The following INSC variants were observed in gnomAD, a reference collection of about 807,000 sequenced individuals.
INSC encodes the protein protein inscuteable homolog.
INSC carries 67 observed loss-of-function variants against 58.6 expected under a neutral mutation model. That is an observed-to-expected ratio of 1.14 (90% CI 0.94 to 1.40). INSC has a LOEUF of 1.40. INSC is among the 40% of genes most tolerant of loss of function. The pLI, the probability that INSC is intolerant of heterozygous loss-of-function variation, is 0.00. For synonymous variants in INSC, 262 were observed against 276.1 expected (o/e 0.95, Z 0.51); for missense variants, 714 against 692.0 (o/e 1.03, Z -0.36).
intron 2 of INSC, among the ~76,000 whole-genome samples, chr11:15,158,050 C>G (rs1848878746): frequency 1.3e-5 from 2 of 152,164 alleles, no homozygotes; most frequent in East Asian, 3.9e-4. Context: ...ATATCCTATC[C>G]TGTCCCTCCC....
At chr11:15,147,741 TG>T (rs998427186) in intron 1 of INSC, among the ~76,000 whole-genome samples, 3 of 152,240 alleles carry the variant, frequency 2.0e-5, no homozygotes, top group Non-Finnish European at 4.4e-5. Flanking sequence ...AGCAAGTCTC[TG>T]GAATTATCTA....
intron 2 of INSC, among the ~76,000 whole-genome samples, chr11:15,166,090 A>G (rs1029802876): frequency 1.3e-5 from 2 of 152,218 alleles, no homozygotes; most frequent in Non-Finnish European, 2.9e-5. Context: ...TAAGTTGACC[A>G]GGGATTGCCT....
At chr11:15,125,209 G>A (rs61877967) in intron 1 of INSC, among the ~76,000 whole-genome samples, 2,294 of 152,282 alleles carry the variant, frequency 0.015, 32 homozygotes, top group Non-Finnish European at 0.016. Flanking sequence ...CCAAATAAAG[G>A]AAGAGTAAGT....
chr11:15,239,217 C>G, intron 11 of INSC, 143 bp downstream of exon 11: 2 of 985,146 alleles, frequency 2.0e-6, no homozygotes, highest in Non-Finnish European at 2.9e-6. Flanking sequence ...GGGGTGGAGG[C>G]TCAGGGGTGC....
At chr11:15,205,416 A>C (rs958436906) in intron 7 of INSC, among the ~76,000 whole-genome samples, 32 of 152,224 alleles carry the variant, frequency 2.1e-4, no homozygotes, top group African/African-American at 7.0e-4. Context: ...ATCCTGGGGG[A>C]TTTGCTTAGC....
Position 15,192,895 on chromosome 11 carries a change from GAGA to G in INSC, c.693+2083_693+2085del, listed in dbSNP as rs1850231392. On this transcript the variant is annotated intron_variant, in intron 6 of 12. Transcript: ENST00000379556. ...CAGACTAGATTCATATATATTGGAA[GAGA>G]ATTCACATATATTTGACTCTGTTAT... 3.3e-5 allele frequency among the ~76,000 whole-genome samples: 5 copies of G among 152,306 alleles called. No homozygotes were observed. The South Asian group carries it at 1.0e-3, about 32-fold the overall frequency.
At chr11:15,234,048 G>C (rs981430131) in intron 9 of INSC, among the ~76,000 whole-genome samples, 3 of 152,206 alleles carry the variant, frequency 2.0e-5, no homozygotes, top group Admixed American at 6.5e-5. Context: ...ATACGTAAAA[G>C]AGCCTCTAAG....
At chr11:15,216,349 A>T (rs1384058782) in intron 7 of INSC, among the ~76,000 whole-genome samples, 1 of 152,190 alleles carries the variant, frequency 6.6e-6, no homozygotes, top group Non-Finnish European at 1.5e-5. Flanking sequence ...TGCATCAGAC[A>T]ATTTCTCAAA....
chr11:15,159,377 G>A (rs1714345), intron 2 of INSC, among the ~76,000 whole-genome samples: 93,528 of 152,022 alleles, frequency 0.62, 29,221 homozygotes, highest in African/African-American at 0.69. Flanking sequence ...GGCACATTAC[G>A]TCTGTGAATT....
At chr11:15,124,915 A>C (rs1847955209) in intron 1 of INSC, among the ~76,000 whole-genome samples, 1 of 152,160 alleles carries the variant, frequency 6.6e-6, no homozygotes, top group Non-Finnish European at 1.5e-5. Context: ...CTTAGCACCT[A>C]CCTAGTAGGT....
At chr11:15,184,848 G>T (rs1849908291) in intron 5 of INSC, among the ~76,000 whole-genome samples, 1 of 152,136 alleles carries the variant, frequency 6.6e-6, no homozygotes, top group African/African-American at 2.4e-5. Context: ...GGAGCTTCAA[G>T]CTTTCAACAA....
intron 1 of INSC, among the ~76,000 whole-genome samples, chr11:15,142,678 G>C (rs1378095838): frequency 6.6e-6 from 1 of 152,186 alleles, no homozygotes; most frequent in Non-Finnish European, 1.5e-5. Flanking sequence ...GATGAACACA[G>C]AGCTGGGAGT....
At chr11:15,162,550 A>G (rs2133788657) in intron 2 of INSC, among the ~76,000 whole-genome samples, 1 of 152,310 alleles carries the variant, frequency 6.6e-6, no homozygotes, top group East Asian at 1.9e-4. Context: ...ATCTGCTTTT[A>G]ACATACTGTA....
intron 1 of INSC, among the ~76,000 whole-genome samples, chr11:15,134,360 T>C (rs184987069): frequency 2.0e-5 from 3 of 152,258 alleles, no homozygotes; most frequent in East Asian, 1.9e-4. Flanking sequence ...AAAAAAGATA[T>C]CTTAGAATGA....
At chr11:15,219,948 G>A (rs550715963) in intron 7 of INSC, among the ~76,000 whole-genome samples, 2 of 152,324 alleles carry the variant, frequency 1.3e-5, no homozygotes, top group Admixed American at 1.3e-4. Flanking sequence ...CATGAGTCCA[G>A]TTCTGCCAGG....
chr11:15,142,819 A>G (rs1441217411), intron 1 of INSC, among the ~76,000 whole-genome samples: 2 of 151,388 alleles, frequency 1.3e-5, no homozygotes, highest in Non-Finnish European at 2.9e-5. Context: ...TTTTTTGTAT[A>G]TATATTTTTA....
chr11:15,126,680 A>G (rs539493554), intron 1 of INSC, among the ~76,000 whole-genome samples: 3 of 152,214 alleles, frequency 2.0e-5, no homozygotes, highest in Non-Finnish European at 4.4e-5. Flanking sequence ...TCTATGTTTT[A>G]TTTAATTATT....
chr11:15,150,622 G>A (rs1717126212), intron 2 of INSC, among the ~76,000 whole-genome samples: 1 of 152,194 alleles, frequency 6.6e-6, no homozygotes, highest in Non-Finnish European at 1.5e-5. Flanking sequence ...GGCTGTTCTA[G>A]GTGCAGATTC....
At chr11:15,121,571 T>C (rs538229201) in intron 1 of INSC, among the ~76,000 whole-genome samples, 1 of 152,330 alleles carries the variant, frequency 6.6e-6, no homozygotes, top group African/African-American at 2.4e-5. Flanking sequence ...CACTGCAAAA[T>C]TATTATTTTT....
Sources: allele counts gnomAD v4.1 joint callset (sites outside exome capture counted in the v4.1 genomes callset), GRCh38; gene constraint gnomAD v4.1.1; transcripts MANE v1.5; gene names NCBI Gene and HGNC (gene_info 2026-07-23, HGNC 2026-07-21).